The following LITAF variants were observed in gnomAD, a reference collection of about 807,000 sequenced individuals.
LITAF encodes lipopolysaccharide-induced tumor necrosis factor-alpha factor.
Under a neutral mutation model 14.5 loss-of-function variants are expected in LITAF, and 9 were observed. That is an observed-to-expected ratio of 0.62 (90% CI 0.37 to 1.08). LITAF has a LOEUF of 1.08. Ranked by LOEUF, LITAF falls within the 50% of genes least tolerant of loss-of-function variation. LITAF has a pLI of 0.01. For missense variants in LITAF, 206 were observed against 213.4 expected, an observed-to-expected ratio of 0.97 and a Z score of 0.22; for synonymous variants, 98 against 88.2, an observed-to-expected ratio of 1.11 and a Z score of -0.62.
chr16:11,582,319 G>GT, intron 1 of LITAF, among the ~76,000 whole-genome samples: 1 of 100,094 alleles, frequency 1.0e-5, no homozygotes, highest in African/African-American at 3.4e-5. Context: ...ACTCACAACG[G>GT]AAAAAAAAAA....
chr16:11,565,528 A>C (rs983293638), intron 1 of LITAF, among the ~76,000 whole-genome samples: 15 of 152,118 alleles, frequency 9.9e-5, no homozygotes, highest in African/African-American at 2.4e-5. Context: ...CTTAAAACTG[A>C]GCCTCTAAGT....
chr16:11,555,089 G>A (rs943667249), intron 2 of LITAF, among the ~76,000 whole-genome samples: 1 of 152,036 alleles, frequency 6.6e-6, no homozygotes, highest in African/African-American at 2.4e-5. Context: ...CTGGAGTGCA[G>A]GGGTACAATC....
intron 1 of LITAF, among the ~76,000 whole-genome samples, chr16:11,567,253 C>G (rs2064465123): frequency 6.6e-6 from 1 of 151,886 alleles, no homozygotes; most frequent in Non-Finnish European, 1.5e-5. Flanking sequence ...AACCTCGTCT[C>G]TACTAAAAGT....
rs775144999 is a variant in LITAF, at chr16:11,608,596, T to C, written c.85+24937A>G. ...AGCATTATTCAGCCATGGAAAAGAA[T>C]AAAGCACTGATACGGGCTGCATCGT... On this transcript the variant is annotated intron_variant, in intron 3 of 3. Coordinates refer to the LITAF transcript ENST00000574848. Among the ~76,000 whole-genome samples, 23 of 152,160 alleles carry C rather than the reference T, an allele frequency of 1.5e-4. 1 individual carries two copies. Among genetic ancestry groups the C allele is most frequent in the Non-Finnish European group, 4.4e-5 (3 of 68,032 alleles).
At chr16:11,562,221 T>G (rs1209740610) in intron 1 of LITAF, among the ~76,000 whole-genome samples, 5 of 142,662 alleles carry the variant, frequency 3.5e-5, no homozygotes, top group Non-Finnish European at 7.5e-5. Context: ...GTGCCCTGCC[T>G]CTCCACACTG....
intron 1 of LITAF, among the ~76,000 whole-genome samples, chr16:11,569,624 G>A (rs143249675): frequency 2.4e-3 from 361 of 152,324 alleles, no homozygotes; most frequent in African/African-American, 8.4e-3. Context: ...TAGGAATGGC[G>A]TGGACTACGG....
chr16:11,610,957 C>A (rs950923988), intron 3 of LITAF, among the ~76,000 whole-genome samples: 1 of 151,986 alleles, frequency 6.6e-6, no homozygotes, highest in Non-Finnish European at 1.5e-5. Flanking sequence ...CCCCTCTCCC[C>A]CAGCTACCGA....
chr16:11,591,122 G>A (rs2064843667), upstream of LITAF, among the ~76,000 whole-genome samples: 2 of 118,642 alleles, frequency 1.7e-5, 1 homozygote, highest in Non-Finnish European at 3.4e-5. Flanking sequence ...GAATTACAAG[G>A]GATTTCAAAT....
At chr16:11,588,910 CCCTT>C (rs2064832521), upstream of LITAF, among the ~76,000 whole-genome samples, 1 of 151,942 alleles carries the variant, frequency 6.6e-6, no homozygotes, top group Non-Finnish European at 1.5e-5. Context: ...CTCGCTTCCT[CCCTT>C]CCTTCCTGTA....
chr16:11,571,506 T>C (rs2064540905), intron 1 of LITAF, among the ~76,000 whole-genome samples: 1 of 152,196 alleles, frequency 6.6e-6, no homozygotes, highest in Non-Finnish European at 1.5e-5. Flanking sequence ...ATAGCTGGGT[T>C]GCCCAGATTC....
intron 3 of LITAF, among the ~76,000 whole-genome samples, chr16:11,613,159 C>T (rs1235954559): frequency 6.6e-6 from 1 of 152,182 alleles, no homozygotes; most frequent in Non-Finnish European, 1.5e-5. Context: ...CCTGCCTCAT[C>T]CTCCCGAGTA....
intron 1 of LITAF, among the ~76,000 whole-genome samples, chr16:11,598,129 C>T (rs557135849): frequency 1.3e-5 from 2 of 152,234 alleles, no homozygotes; most frequent in South Asian, 4.1e-4. Context: ...TAATCCTAGG[C>T]TCAAGTGATC....
intron 1 of LITAF, among the ~76,000 whole-genome samples, chr16:11,570,868 C>T (rs2064531332): frequency 6.6e-6 from 1 of 151,928 alleles, no homozygotes; most frequent in East Asian, 1.9e-4. Flanking sequence ...CAGTGAGCCA[C>T]AGCTGCACCA....
chr16:11,582,364 A>G (rs1030537217), intron 1 of LITAF, among the ~76,000 whole-genome samples: 1 of 151,544 alleles, frequency 6.6e-6, no homozygotes, highest in African/African-American at 2.4e-5. Flanking sequence ...CTTTAGCCAC[A>G]TGTGGGTGGT....
At chr16:11,600,155 G>A (rs2064918327), upstream of LITAF, among the ~76,000 whole-genome samples, 1 of 152,012 alleles carries the variant, frequency 6.6e-6, no homozygotes, top group African/African-American at 2.4e-5. This position sits in a 1 kb window ranked among gnomAD's most constrained non-coding sequence, Gnocchi z 4.1. Context: ...CAGCCACCAT[G>A]CCCAGCTTGT....
intron 2 of LITAF, among the ~76,000 whole-genome samples, chr16:11,554,148 G>T (rs2064229375): frequency 6.6e-6 from 1 of 152,104 alleles, no homozygotes; most frequent in African/African-American, 2.4e-5. Flanking sequence ...GGGAGGATCA[G>T]TTGAGTCTGA....
At chr16:11,580,448 G>C (rs542953229) in intron 1 of LITAF, among the ~76,000 whole-genome samples, 3 of 152,210 alleles carry the variant, frequency 2.0e-5, no homozygotes, top group African/African-American at 7.2e-5. Flanking sequence ...AGTAGAGACG[G>C]GGTTTCACCA....
intron 1 of LITAF, among the ~76,000 whole-genome samples, chr16:11,557,810 A>C (rs1029910196): frequency 1.3e-5 from 2 of 152,198 alleles, no homozygotes; most frequent in African/African-American, 4.8e-5. Context: ...ATTTTGAAAA[A>C]TGAGCACCAG....
At chr16:11,602,288 G>A (rs2064932517), upstream of LITAF, among the ~76,000 whole-genome samples, 1 of 152,130 alleles carries the variant, frequency 6.6e-6, no homozygotes, top group Non-Finnish European at 1.5e-5. Flanking sequence ...CCCGGGAGGC[G>A]GAGGTTACAG....
Sources: allele counts gnomAD v4.1 joint callset (sites outside exome capture counted in the v4.1 genomes callset), GRCh38; gene constraint gnomAD v4.1.1; non-coding constraint Gnocchi (gnomAD v3.1); transcripts MANE v1.5; gene names NCBI Gene and HGNC (gene_info 2026-07-23, HGNC 2026-07-21).